Variants in CCSER1 observed in about 807,000 individuals in gnomAD.
The protein encoded by CCSER1 is serine-rich coiled-coil domain-containing protein 1.
CCSER1 carries 41 observed loss-of-function variants against 82.0 expected under a neutral mutation model. That is an observed-to-expected ratio of 0.50 (90% CI 0.39 to 0.65). The LOEUF is 0.65. Among genes scored for constraint, CCSER1 ranks in the 30% least tolerant of loss-of-function variants. The pLI, the probability that CCSER1 is intolerant of heterozygous loss-of-function variation, is 0.00. For synonymous variants in CCSER1, 414 were observed against 383.9 expected, an observed-to-expected ratio of 1.08 and a Z score of -0.92; for missense variants, 1,119 against 1,064.2, an observed-to-expected ratio of 1.05 and a Z score of -0.72.
chr4:90,751,584 G>A (rs1407888054), intron 7 of CCSER1, among the ~76,000 whole-genome samples: 1 of 152,038 alleles, frequency 6.6e-6, no homozygotes, highest in African/African-American at 2.4e-5. Flanking sequence ...GTAGTTAATA[G>A]GATGTTAAAT....
chr4:90,347,555 C>T (rs890381437), intron 3 of CCSER1, among the ~76,000 whole-genome samples: 12 of 152,106 alleles, frequency 7.9e-5, no homozygotes, highest in African/African-American at 2.7e-4. Context: ...TCACCCTGAC[C>T]TTCCCAGAAC....
At chr4:90,506,066 C>T (rs765013133) in intron 5 of CCSER1, among the ~76,000 whole-genome samples, 1 of 152,074 alleles carries the variant, frequency 6.6e-6, no homozygotes, top group East Asian at 1.9e-4. Context: ...CAACTTCTAC[C>T]CTCTGTACCT....
chr4:90,383,913 A>T (rs972644937), intron 3 of CCSER1, among the ~76,000 whole-genome samples: 2 of 151,362 alleles, frequency 1.3e-5, no homozygotes, highest in South Asian at 4.2e-4. Flanking sequence ...ACTATTTTAA[A>T]TTTTTTATTT....
intron 3 of CCSER1, among the ~76,000 whole-genome samples, chr4:90,340,577 A>G (rs1741207285): frequency 6.6e-6 from 1 of 152,194 alleles, no homozygotes; most frequent in African/African-American, 2.4e-5. Context: ...CAAGGAAAAA[A>G]TAGCTGTTGA....
intron 10 of CCSER1, among the ~76,000 whole-genome samples, chr4:91,226,316 T>C (rs1394297072): frequency 4.6e-5 from 7 of 151,960 alleles, no homozygotes; most frequent in Non-Finnish European, 1.0e-4. Context: ...AATATATTTA[T>C]TGGTGTTTAT....
At chr4:90,287,452 C>T (rs1560952073) in intron 1 of CCSER1, among the ~76,000 whole-genome samples, 2 of 151,626 alleles carry the variant, frequency 1.3e-5, no homozygotes, top group Admixed American at 1.3e-4. Flanking sequence ...GTATGAAATT[C>T]TTTAGCAGGA....
At chr4:90,985,192 T>C (rs965255648) in intron 9 of CCSER1, among the ~76,000 whole-genome samples, 1 of 151,742 alleles carries the variant, frequency 6.6e-6, no homozygotes, top group Non-Finnish European at 1.5e-5. Flanking sequence ...TTTGTTTGTA[T>C]TTTTTGTAAT....
chr4:90,879,606 AGAGGAGGAGGAG>A (rs140789649), intron 8 of CCSER1, among the ~76,000 whole-genome samples: 2 of 144,256 alleles, frequency 1.4e-5, no homozygotes, highest in Admixed American at 1.4e-4. Flanking sequence ...AGGAGGAAGA[AGAGGAGGAGGAG>A]GAGGAGGAGG....
At chr4:90,737,729 A>G (rs1745893734) in intron 7 of CCSER1, among the ~76,000 whole-genome samples, 1 of 152,080 alleles carries the variant, frequency 6.6e-6, no homozygotes, top group South Asian at 2.1e-4. Context: ...AAGGCCAATA[A>G]TGCTTAGATT....
intron 1 of CCSER1, among the ~76,000 whole-genome samples, chr4:90,177,695 G>T (rs945326375): frequency 1.3e-5 from 2 of 152,076 alleles, no homozygotes; most frequent in Non-Finnish European, 2.9e-5. Flanking sequence ...AGAATCAAGG[G>T]AGTTATTACT....
In CCSER1 at chr4:90,135,349, AAAAC is replaced by A. The variant is rs772579031; in HGVS notation, c.-42+7521_-42+7524del. Among the ~76,000 whole-genome samples the A allele has an allele frequency of 4.6e-5, 7 of 152,264 alleles. No homozygotes were observed. The East Asian group carries it at 9.7e-4, about 21-fold the overall frequency. On this transcript the variant is annotated intron_variant, in intron 1 of 10. Transcript: ENST00000509176. ...TTGAGCAAGACCCCCCCTTTGAAAA[AAAAC>A]AACAACTGGGATCCTGCCTCTGAAA...
chr4:90,962,672 A>G (rs11097285), intron 9 of CCSER1, among the ~76,000 whole-genome samples: 11,174 of 152,184 alleles, frequency 0.073, 400 homozygotes, highest in Middle Eastern at 0.1. Context: ...AGAAATATTT[A>G]GTAGGGTACT....
At position 90,429,171 on chromosome 4, in the gene CCSER1, G is replaced by A. The variant is rs1459795132; in HGVS notation, c.1603+29042G>A. 2.0e-5 allele frequency among the ~76,000 whole-genome samples: 3 copies of A among 151,818 alleles called. No homozygotes were observed. The East Asian group carries it at 5.8e-4, about 29-fold the overall frequency. ...TTTTAAAAAAATAAAGTCTATTAAT[G>A]TAAAGAAAATAATAATGCTTAAAAA... On this transcript the variant is annotated intron_variant, in intron 4 of 10. Transcript: ENST00000509176.
chr4:91,275,621 G>T (rs555229087), intron 10 of CCSER1, among the ~76,000 whole-genome samples: 19 of 152,158 alleles, frequency 1.2e-4, no homozygotes, highest in African/African-American at 4.3e-4. Flanking sequence ...TCATTCTATA[G>T]GTTGTCTCTT....
In CCSER1 at chr4:91,482,765, T is replaced by TA. The variant is rs1758008000; in HGVS notation, c.2218-115801dup. On this transcript the variant is annotated intron_variant, in intron 10 of 10. Coordinates refer to ENST00000509176, the MANE Select transcript of CCSER1 (RefSeq NM_001145065.2). ...TACACCATGGAATACTATGCAGCCA[T>TA]AAAAAATGATGAGTTCATATCCTTT... 2.0e-5 allele frequency among the ~76,000 whole-genome samples: 3 copies of TA among 152,228 alleles called. No individual in the cohort carries two copies. The South Asian group carries it at 6.2e-4, about 32-fold the overall frequency.
At chr4:90,968,230 A>G (rs926253724) in intron 9 of CCSER1, among the ~76,000 whole-genome samples, 4 of 151,900 alleles carry the variant, frequency 2.6e-5, no homozygotes, top group East Asian at 3.8e-4. Flanking sequence ...AATAATAATA[A>G]AAGAACCAAA....
At chr4:90,767,093 A>G (rs1312567598) in intron 7 of CCSER1, among the ~76,000 whole-genome samples, 5 of 152,314 alleles carry the variant, frequency 3.3e-5, no homozygotes, top group Non-Finnish European at 7.4e-5. Context: ...AAACATTTAT[A>G]TCATAGTCAT....
chr4:91,120,246 A>G (rs931880186), intron 10 of CCSER1, among the ~76,000 whole-genome samples: 3 of 152,072 alleles, frequency 2.0e-5, no homozygotes, highest in African/African-American at 7.2e-5. Context: ...GAAACATGAT[A>G]CTTAACTAGA....
intron 1 of CCSER1, among the ~76,000 whole-genome samples, chr4:90,171,150 TA>T (rs1219149536): frequency 1.3e-5 from 2 of 149,726 alleles, no homozygotes; most frequent in African/African-American, 4.9e-5. Context: ...AATTAAAAAT[TA>T]AAAAAAAGTC....
Sources: allele counts gnomAD v4.1 joint callset (sites outside exome capture counted in the v4.1 genomes callset), GRCh38; gene constraint gnomAD v4.1.1; transcripts MANE v1.5; gene names NCBI Gene and HGNC (gene_info 2026-07-23, HGNC 2026-07-21).